The following MAMDC2 variants were observed in gnomAD, a reference collection of about 807,000 sequenced individuals.
MAMDC2 encodes MAM domain containing 2.
A neutral mutation model predicts 89.8 loss-of-function variants in MAMDC2; 57 were observed. The observed-to-expected ratio is 0.63, with a 90% CI of 0.51 to 0.79. MAMDC2 has a LOEUF of 0.79. MAMDC2 is among the 30% of genes least tolerant of loss of function. The pLI is 0.00. For missense variants in MAMDC2, 800 were observed against 820.6 expected, an observed-to-expected ratio of 0.97 and a Z score of 0.31; for synonymous variants, 313 against 293.4, an observed-to-expected ratio of 1.07 and a Z score of -0.68.
intron 12 of MAMDC2, among the ~76,000 whole-genome samples, chr9:70,223,901 T>C (rs1342417740): frequency 6.6e-6 from 1 of 152,158 alleles, no homozygotes; most frequent in Non-Finnish European, 1.5e-5. Flanking sequence ...GGGGAAATCA[T>C]AGTACTATAA....
At chr9:70,088,668 T>C (rs1172657440) in intron 2 of MAMDC2, 1 of 150,718 alleles carries the variant, frequency 6.6e-6, no homozygotes, top group East Asian at 1.9e-4. Flanking sequence ...GATTCACCAG[T>C]ACAACTACTC....
intron 7 of MAMDC2, among the ~76,000 whole-genome samples, chr9:70,136,133 A>C (rs1303782578): frequency 1.3e-5 from 2 of 152,196 alleles, no homozygotes; most frequent in African/African-American, 4.8e-5. Context: ...CCTGGACCAC[A>C]AAGTGGGACC....
chr9:70,131,560 T>C lies in MAMDC2; in HGVS notation c.942T>C (p.Tyr314=). 6.2e-7 allele frequency: 1 copy of C among 1,609,868 alleles called. No individual in the cohort carries two copies. Residue 314 remains tyrosine, a synonymous_variant, in exon 7 of 14, where the codon TAT becomes TAC. Coordinates refer to ENST00000377182, the MANE Select transcript of MAMDC2 (RefSeq NM_153267.5). The part of the protein sequence containing the change: ...EVAFNGPKGG[Y]VALDDISFSP... ...CTTTCAATGGTCCCAAGGGAGGTTA[T>C]GTTGCCCTGGATGATATTTCATTCT...
chr9:70,178,267 C>T (rs2032558129), intron 11 of MAMDC2, among the ~76,000 whole-genome samples: 2 of 152,132 alleles, frequency 1.3e-5, no homozygotes, highest in Non-Finnish European at 2.9e-5. Context: ...GATCAAGGTT[C>T]TGATATCTAG....
intron 2 of MAMDC2, among the ~76,000 whole-genome samples, chr9:70,048,076 C>G (rs893428337): frequency 6.6e-6 from 1 of 152,188 alleles, no homozygotes; most frequent in Non-Finnish European, 1.5e-5. Context: ...GGGCATCGGG[C>G]ACTGAAACCC....
At chr9:70,174,417 G>T (rs60458589) in intron 11 of MAMDC2, among the ~76,000 whole-genome samples, 1 of 152,154 alleles carries the variant, frequency 6.6e-6, no homozygotes. Context: ...TTAGGGAATC[G>T]AGAGGAGAAT....
intron 2 of MAMDC2, among the ~76,000 whole-genome samples, chr9:70,093,094 T>G (rs1827942209): frequency 6.6e-6 from 1 of 152,198 alleles, no homozygotes; most frequent in Admixed American, 6.5e-5. Context: ...TGTGTATATA[T>G]ATTTATTTAT....
In MAMDC2 at chr9:70,213,626, G is replaced by C. The variant is rs138539439; in HGVS notation, c.1652-4711G>C. Among the ~76,000 whole-genome samples, 599 of 152,206 alleles carry C rather than the reference G, an allele frequency of 3.9e-3. 3 individuals carry two copies. Among genetic ancestry groups the C allele is most frequent in the African/African-American group, 0.013 (554 of 41,536 alleles). ...ATCTGTATTGTTTACATTGACCTAA[G>C]TTAGAAAATGTTAAAGAAAATATGT... On this transcript the variant is annotated intron_variant, in intron 11 of 13. Coordinates refer to ENST00000377182, the MANE Select transcript of MAMDC2 (RefSeq NM_153267.5).
In MAMDC2 at chr9:70,218,599, A is replaced by C. The variant is rs1250928643; in HGVS notation, c.1911+3A>C. On this transcript the variant is annotated splice_donor_region_variant and intron_variant, in intron 12 of 13. Coordinates refer to ENST00000377182, the MANE Select transcript of MAMDC2 (RefSeq NM_153267.5). ...ACAGCTGTGAGAGGCAACACCAGGTAAGCCAACAGAGATAAGAACTAAGCA... is the reference window on the plus strand; with the variant it reads ...ACAGCTGTGAGAGGCAACACCAGGTCAGCCAACAGAGATAAGAACTAAGCA... The C allele has an allele frequency of 6.3e-7, 1 of 1,599,726 alleles. No homozygotes were observed. Among genetic ancestry groups the C allele is most frequent in the African/African-American group, 1.3e-5 (1 of 74,582 alleles).
chr9:70,138,493 A>G (rs953350238), intron 7 of MAMDC2, among the ~76,000 whole-genome samples: 2 of 152,184 alleles, frequency 1.3e-5, no homozygotes, highest in Non-Finnish European at 2.9e-5. Context: ...ACTGTTTTCC[A>G]TAGTGGCTGT....
chr9:70,095,266 A>T (rs564382793), intron 2 of MAMDC2, among the ~76,000 whole-genome samples: 46 of 152,332 alleles, frequency 3.0e-4, no homozygotes, highest in African/African-American at 9.6e-4. Context: ...CTGGGAAATG[A>T]TGTGAGCAGA....
At chr9:70,209,623 T>C (rs555968260) in intron 11 of MAMDC2, among the ~76,000 whole-genome samples, 1 of 152,266 alleles carries the variant, frequency 6.6e-6, no homozygotes, top group East Asian at 1.9e-4. Flanking sequence ...GTCTTTCGTA[T>C]CTCTATCTCT....
chr9:70,108,849 T>C (rs2118257607), intron 3 of MAMDC2, among the ~76,000 whole-genome samples: 2 of 152,330 alleles, frequency 1.3e-5, no homozygotes, highest in South Asian at 4.1e-4. Flanking sequence ...ATCTTCTTAA[T>C]CATTTCTTTG....
In MAMDC2 at chr9:70,167,669, C is replaced by T. The variant is rs115445928; in HGVS notation, c.1405-1033C>T. On this transcript the variant is annotated intron_variant, in intron 9 of 13. Coordinates refer to ENST00000377182, the MANE Select transcript of MAMDC2 (RefSeq NM_153267.5). ...CAAATGTTTTTAAAAGGTCTCTTAGCTCATCCTATATATGAAAAGTAGCCT... is the reference window on the plus strand; with the variant it reads ...CAAATGTTTTTAAAAGGTCTCTTAGTTCATCCTATATATGAAAAGTAGCCT... Among the ~76,000 whole-genome samples, 850 of 152,336 alleles carry T rather than the reference C, an allele frequency of 5.6e-3. 9 individuals are homozygous for T. Among genetic ancestry groups the T allele is most frequent in the African/African-American group, 0.019 (801 of 41,568 alleles).
intron 2 of MAMDC2, chr9:70,088,338 C>G (rs747827098): frequency 8.6e-5 from 13 of 152,020 alleles, no homozygotes; most frequent in African/African-American, 2.2e-4. Flanking sequence ...CCTGTAGTTT[C>G]GTAGAAGGAT....
chr9:70,063,485 C>A (rs770288793), intron 2 of MAMDC2, among the ~76,000 whole-genome samples: 1 of 151,390 alleles, frequency 6.6e-6, no homozygotes, highest in Non-Finnish European at 1.5e-5. Flanking sequence ...CAATACTGGG[C>A]GCATAGTAGA....
At chr9:70,118,977 A>T (rs945525173) in intron 5 of MAMDC2, among the ~76,000 whole-genome samples, 1 of 152,182 alleles carries the variant, frequency 6.6e-6, no homozygotes, top group African/African-American at 2.4e-5. Flanking sequence ...GTGTCTGATG[A>T]TGGAAATGAC....
chr9:70,185,526 C>T (rs1563991372), intron 11 of MAMDC2, among the ~76,000 whole-genome samples: 1 of 152,168 alleles, frequency 6.6e-6, no homozygotes, highest in African/African-American at 2.4e-5. Context: ...GGGCTCTGTC[C>T]CAGGGAGATG....
intron 2 of MAMDC2, among the ~76,000 whole-genome samples, chr9:70,074,054 G>A (rs894667177): frequency 7.2e-5 from 11 of 152,266 alleles, no homozygotes; most frequent in Admixed American, 7.2e-4. Flanking sequence ...ATGAACCTCT[G>A]GAATCAAATC....
Sources: gnomAD v4.1 joint callset for allele counts (sites outside exome capture counted in the v4.1 genomes callset) on GRCh38, gnomAD v4.1.1 for gene constraint, MANE v1.5 for transcripts, NCBI Gene and HGNC (gene_info 2026-07-23, HGNC 2026-07-21) for gene names.